Variants in TANGO6 observed in about 807,000 individuals in gnomAD.
The protein encoded by TANGO6 is transport and Golgi organization protein 6 homolog.
In TANGO6, 90 loss-of-function variants were observed where a neutral mutation model predicts 114.2. The ratio of observed to expected loss-of-function variants is 0.79; its 90% CI spans 0.66 to 0.94. The LOEUF is 0.94. Among genes scored for constraint, TANGO6 ranks in the 40% least tolerant of loss-of-function variants. The pLI, the probability that TANGO6 is intolerant of heterozygous loss-of-function variation, is 0.00. For missense variants in TANGO6, 1,274 were observed against 1,315.3 expected, an observed-to-expected ratio of 0.97 and a Z score of 0.49; for synonymous variants, 477 against 509.8, an observed-to-expected ratio of 0.94 and a Z score of 0.87.
chr16:68,909,363 C>T lies in TANGO6; in HGVS notation c.1953C>T (p.Cys651=), dbSNP rs768308981. The change falls in exon 11 of 18, where the codon TGC becomes TGT. Residue 651 remains cysteine (C), a synonymous_variant. Transcript: ENST00000261778. ...LLVLQLMAVL[C]ERMSEQIFTN... ...TCCTGCAGCTGATGGCTGTTCTGTG[C>T]GAGAGAATGTCTGAGCAGATATTCA... 1.1e-5 allele frequency: 18 copies of T among 1,584,532 alleles called. No individual in the cohort carries two copies. The highest frequency in any genetic ancestry group is 8.1e-5 in the African/African-American group (6 of 73,764).
At chr16:68,871,823 T>C (rs1337618033) in intron 4 of TANGO6, among the ~76,000 whole-genome samples, 2 of 152,188 alleles carry the variant, frequency 1.3e-5, no homozygotes, top group Non-Finnish European at 2.9e-5. Context: ...TTTCGACATA[T>C]TGCCCAGGCA....
chr16:68,895,949 T>A (rs182123110), intron 7 of TANGO6, among the ~76,000 whole-genome samples: 38 of 152,232 alleles, frequency 2.5e-4, no homozygotes, highest in African/African-American at 9.1e-4. Flanking sequence ...AATTTTATTT[T>A]ATTTTATTTT....
At chr16:68,998,460 G>A (rs983875127) in intron 15 of TANGO6, among the ~76,000 whole-genome samples, 7 of 152,162 alleles carry the variant, frequency 4.6e-5, no homozygotes, top group South Asian at 2.1e-4. Context: ...GGCCAGGCAC[G>A]GTGGCTCATG....
At chr16:69,057,484 C>T (rs987861500) in intron 17 of TANGO6, among the ~76,000 whole-genome samples, 1 of 152,098 alleles carries the variant, frequency 6.6e-6, no homozygotes, top group Admixed American at 6.6e-5. Context: ...CATGAGGAGA[C>T]TAAGACGAAG....
At chr16:69,021,787 A>G (rs1466067555) in intron 15 of TANGO6, among the ~76,000 whole-genome samples, 1 of 152,040 alleles carries the variant, frequency 6.6e-6, no homozygotes, top group Non-Finnish European at 1.5e-5. Context: ...TGTTTGTGTG[A>G]CCATGGGCTA....
At position 69,083,646 on chromosome 16, in the gene TANGO6, C is replaced by G. The variant is rs777267141; in HGVS notation, c.3270C>G (p.Ile1090Met). ...LFPPQKLEKK[I>M]MVLP is the part of the protein sequence containing the mutation. ...CTCCACAGAAGCTGGAGAAGAAGATCATGGTCCTGCCGTAGACCTGGCTCC... is the reference window on the plus strand; with the variant it reads ...CTCCACAGAAGCTGGAGAAGAAGATGATGGTCCTGCCGTAGACCTGGCTCC... Residue 1090 changes from isoleucine to methionine, a missense_variant, in exon 18 of 18, where the codon ATC becomes ATG. Ile to Met is a conservative substitution (Grantham distance 10). Transcript: ENST00000261778. 1.9e-6 allele frequency: 3 copies of G among 1,561,132 alleles called. No individual in the cohort carries two copies. In the East Asian group the frequency reaches 7.2e-5, roughly 37 times the overall value.
intron 13 of TANGO6, 56 bp downstream of exon 13, chr16:68,928,139 T>G (rs1273290941): frequency 7.4e-6 from 11 of 1,476,710 alleles, no homozygotes; most frequent in Non-Finnish European, 9.8e-6. Flanking sequence ...TTCATTCAAC[T>G]CAAGTATTTT....
chr16:68,924,113 C>A (rs1327261735), intron 12 of TANGO6, among the ~76,000 whole-genome samples: 1 of 152,224 alleles, frequency 6.6e-6, no homozygotes, highest in African/African-American at 2.4e-5. Flanking sequence ...CCCTTACTTG[C>A]AAACCACAGT....
Position 68,919,204 on chromosome 16 carries a change from A to AGGAGGAGCTG in TANGO6, c.2113_2122dup (p.Val708GlyfsTer10). The AGGAGGAGCTG allele has an allele frequency of 6.2e-7, 1 of 1,612,816 alleles. No individual in the cohort carries two copies. The highest frequency in any genetic ancestry group is 8.5e-7 in the Non-Finnish European group (1 of 1,179,546). ...CCATGGGGCTGGTGGCTGTCATGCTAGGAGGAGCTGTTCAGGTGAGTTGTA... is the reference window on the plus strand; with the variant it reads ...CCATGGGGCTGGTGGCTGTCATGCTAGGAGGAGCTGGGAGGAGCTGTTCAGGTGAGTTGTA... On this transcript the variant is annotated frameshift_variant, in exon 12 of 18. Transcript: ENST00000261778. LOFTEE classifies it high-confidence loss of function.
chr16:69,023,720 A>AG (rs1398965488), intron 16 of TANGO6, among the ~76,000 whole-genome samples: 2 of 151,916 alleles, frequency 1.3e-5, no homozygotes, highest in African/African-American at 4.8e-5. Flanking sequence ...CCCTGTATTC[A>AG]GGGGGATGGT....
intron 14 of TANGO6, among the ~76,000 whole-genome samples, chr16:68,949,624 A>G (rs1484625756): frequency 2.8e-5 from 4 of 143,004 alleles, no homozygotes; most frequent in Admixed American, 2.8e-4. Context: ...TGTCTCAAAG[A>G]AAAAAAAAAA....
At chr16:68,899,196 C>A (rs565613127) in intron 7 of TANGO6, among the ~76,000 whole-genome samples, 1 of 152,190 alleles carries the variant, frequency 6.6e-6, no homozygotes, top group Admixed American at 6.5e-5. Context: ...ATCACTCGAG[C>A]TTGGAGATTG....
At chr16:68,891,118 C>T (rs759962135) in intron 7 of TANGO6, among the ~76,000 whole-genome samples, 5 of 151,138 alleles carry the variant, frequency 3.3e-5, no homozygotes, top group Admixed American at 6.6e-5. Flanking sequence ...GTGGTGAAAC[C>T]CCATCTCTAC....
intron 5 of TANGO6, among the ~76,000 whole-genome samples, chr16:68,876,231 G>A (rs560143353): frequency 1.6e-3 from 242 of 150,844 alleles, no homozygotes; most frequent in African/African-American, 5.2e-3. Flanking sequence ...GTGCGATCTT[G>A]GCTCACCACA....
chr16:68,955,157 C>T (rs1963517437), intron 14 of TANGO6, among the ~76,000 whole-genome samples: 1 of 152,108 alleles, frequency 6.6e-6, no homozygotes, highest in Admixed American at 6.6e-5. Flanking sequence ...CAGCAGAAAC[C>T]TAACTGACAA....
chr16:68,883,367 G>C (rs1962491843), intron 7 of TANGO6, among the ~76,000 whole-genome samples: 1 of 152,166 alleles, frequency 6.6e-6, no homozygotes, highest in South Asian at 2.1e-4. Context: ...TCTCTCTCAA[G>C]ATTTGCCTAT....
In TANGO6 at chr16:68,932,411, G is replaced by C. The variant is rs557460417; in HGVS notation, c.2701+2116G>C. On this transcript the variant is annotated intron_variant, in intron 14 of 17. Transcript: ENST00000261778. ...TGGCCAAAATAAAATTTAATTAAAG[G>C]GGAGAGGGCTAAAATTGTCAGAGCA... is the stretch of plus-strand genomic sequence containing the variant. Among the ~76,000 whole-genome samples, 9 of 152,248 alleles carry C rather than the reference G, an allele frequency of 5.9e-5. No homozygotes were observed. The South Asian group carries it at 1.9e-3, about 32-fold the overall frequency.
intron 7 of TANGO6, among the ~76,000 whole-genome samples, chr16:68,882,517 T>G (rs1158406170): frequency 2.0e-5 from 3 of 149,866 alleles, no homozygotes; most frequent in Admixed American, 1.3e-4. Flanking sequence ...AAAGAAAACG[T>G]GTTCATAGAA....
intron 7 of TANGO6, among the ~76,000 whole-genome samples, chr16:68,887,271 C>T (rs1015113973): frequency 2.0e-5 from 3 of 152,200 alleles, no homozygotes; most frequent in African/African-American, 7.2e-5. Flanking sequence ...TCATGTGCAC[C>T]ATTGCCACCA....
Sources: gnomAD v4.1 joint callset for allele counts (sites outside exome capture counted in the v4.1 genomes callset) on GRCh38, gnomAD v4.1.1 for gene constraint, MANE v1.5 for transcripts, NCBI Gene and HGNC (gene_info 2026-07-23, HGNC 2026-07-21) for gene names.